GALNT13: variants seen among roughly 807,000 people sequenced by gnomAD.
GALNT13 encodes the protein polypeptide N-acetylgalactosaminyltransferase 13, also known as UDP-GalNAc:polypeptide N-acetylgalactosaminyltransferase 13.
GALNT13 carries 28 observed loss-of-function variants against 64.2 expected under a neutral mutation model. That is an observed-to-expected ratio of 0.44 (90% CI 0.32 to 0.60). The LOEUF is 0.60. Among genes scored for constraint, GALNT13 ranks in the 20% least tolerant of loss-of-function variants. The pLI, the probability that GALNT13 is intolerant of heterozygous loss-of-function variation, is 0.05. For synonymous variants in GALNT13, 214 were observed against 224.6 expected (o/e 0.95, Z 0.42); for missense variants, 577 against 669.8 (o/e 0.86, Z 1.53).
At chr2:153,229,048 G>T in the GALNT13 span, among the ~76,000 whole-genome samples, 1,995 of 152,078 alleles carry the variant, frequency 0.013, 40 homozygotes, top group African/African-American at 0.044. Context: ...TTTTCCCTGT[G>T]AATGAGATAA....
intron 8 of GALNT13, among the ~76,000 whole-genome samples, chr2:154,293,073 A>G (rs113634762): frequency 0.02 from 3,018 of 152,296 alleles, 71 homozygotes; most frequent in African/African-American, 0.061. Context: ...CCCTGTGGAT[A>G]ATAGGATAGT....
the GALNT13 span, among the ~76,000 whole-genome samples, chr2:153,684,086 A>C: frequency 7.1e-6 from 1 of 141,306 alleles, no homozygotes; most frequent in South Asian, 2.2e-4. Context: ...ATATATATAT[A>C]TATATCCCAG....
At chr2:153,637,005 A>G in the GALNT13 span, among the ~76,000 whole-genome samples, 1 of 152,146 alleles carries the variant, frequency 6.6e-6, no homozygotes, top group Non-Finnish European at 1.5e-5. Flanking sequence ...TATAAGGTAT[A>G]TTTTATTGAC....
chr2:153,538,059 G>A, the GALNT13 span, among the ~76,000 whole-genome samples: 1 of 152,130 alleles, frequency 6.6e-6, no homozygotes, highest in East Asian at 1.9e-4. Context: ...GAAGAAATGT[G>A]GGAAAGTTTG....
chr2:154,353,109 GC>G (rs1204904935), intron 9 of GALNT13, among the ~76,000 whole-genome samples: 2 of 152,116 alleles, frequency 1.3e-5, no homozygotes, highest in Non-Finnish European at 2.9e-5. Flanking sequence ...TTGTTGTGCA[GC>G]TTTTGTCAAG....
chr2:154,444,707 G>T (rs930393601), intron 12 of GALNT13, among the ~76,000 whole-genome samples: 1 of 152,082 alleles, frequency 6.6e-6, no homozygotes, highest in East Asian at 1.9e-4. Context: ...AGAGATATTT[G>T]CCATGTGTTA....
At chr2:154,337,340 A>G (rs1264056334) in intron 9 of GALNT13, among the ~76,000 whole-genome samples, 1 of 152,096 alleles carries the variant, frequency 6.6e-6, no homozygotes, top group African/African-American at 2.4e-5. Flanking sequence ...TTATTGGTAA[A>G]TTATGATGAG....
the GALNT13 span, among the ~76,000 whole-genome samples, chr2:153,135,577 T>G: frequency 6.6e-6 from 1 of 152,162 alleles, no homozygotes; most frequent in Non-Finnish European, 1.5e-5. Flanking sequence ...GAAAAAATCC[T>G]GATTTGTTGA....
the GALNT13 span, among the ~76,000 whole-genome samples, chr2:153,198,629 T>C: frequency 5.9e-5 from 9 of 152,260 alleles, no homozygotes; most frequent in African/African-American, 1.7e-4. Flanking sequence ...TTGTTATTTC[T>C]TTGCAAATTA....
At chr2:153,087,637 T>C in the GALNT13 span, among the ~76,000 whole-genome samples, 2 of 152,178 alleles carry the variant, frequency 1.3e-5, no homozygotes, top group Admixed American at 1.3e-4. Flanking sequence ...ATTTTTTTTA[T>C]TGCCATTTCA....
At chr2:153,199,506 T>C in the GALNT13 span, among the ~76,000 whole-genome samples, 1 of 152,236 alleles carries the variant, frequency 6.6e-6, no homozygotes, top group Non-Finnish European at 1.5e-5. Flanking sequence ...TAAGCCATGC[T>C]GGACAAAGGA....
chr2:153,831,585 G>T, the GALNT13 span, among the ~76,000 whole-genome samples: 2 of 151,730 alleles, frequency 1.3e-5, 1 homozygote, highest in South Asian at 4.2e-4. Flanking sequence ...ACCCAGCACC[G>T]TTGCCAATGC....
chr2:153,201,098 C>T, the GALNT13 span, among the ~76,000 whole-genome samples: 1 of 152,190 alleles, frequency 6.6e-6, no homozygotes, highest in Non-Finnish European at 1.5e-5. Context: ...TTCTCTGATT[C>T]TGTTGATAAG....
the GALNT13 span, among the ~76,000 whole-genome samples, chr2:153,205,182 T>G: frequency 6.1e-3 from 908 of 149,816 alleles, 5 homozygotes; most frequent in Non-Finnish European, 9.3e-3. Context: ...TTAGTGTTTT[T>G]TTTTTTTTTT....
chr2:153,303,789 T>C, the GALNT13 span, among the ~76,000 whole-genome samples: 1 of 152,142 alleles, frequency 6.6e-6, no homozygotes, highest in East Asian at 1.9e-4. Flanking sequence ...AAGATTTTTT[T>C]TGGCAGGGGT....
chr2:153,310,265 G>A, the GALNT13 span, among the ~76,000 whole-genome samples: 1 of 152,102 alleles, frequency 6.6e-6, no homozygotes, highest in Non-Finnish European at 1.5e-5. Context: ...CCTATTATCT[G>A]TTAATGTAGT....
the GALNT13 span, among the ~76,000 whole-genome samples, chr2:153,712,747 C>A: frequency 1.3e-5 from 2 of 152,148 alleles, no homozygotes; most frequent in East Asian, 1.9e-4. Flanking sequence ...AGACGTCTTT[C>A]AAGCCATGGC....
intron 3 of GALNT13, among the ~76,000 whole-genome samples, chr2:154,051,436 G>A (rs1001465118): frequency 5.3e-5 from 8 of 151,070 alleles, no homozygotes; most frequent in South Asian, 4.2e-4. Flanking sequence ...GACTACAGGC[G>A]CCCGCCACCG....
the GALNT13 span, among the ~76,000 whole-genome samples, chr2:153,784,814 G>T: frequency 6.6e-6 from 1 of 152,020 alleles, no homozygotes; most frequent in Admixed American, 6.5e-5. Flanking sequence ...CTACATTACA[G>T]CTCCCTGAGG....
Sources: gnomAD v4.1 joint callset for allele counts (sites outside exome capture counted in the v4.1 genomes callset) on GRCh38, gnomAD v4.1.1 for gene constraint, MANE v1.5 for transcripts, NCBI Gene and HGNC (gene_info 2026-07-23, HGNC 2026-07-21) for gene names.